Variants in AP1G1 observed in about 807,000 individuals in gnomAD.
AP1G1 encodes adaptor related protein complex 1 subunit gamma 1.
In AP1G1, 7 loss-of-function variants were observed where a neutral mutation model predicts 108.3. The observed-to-expected ratio is 0.06, with a 90% CI of 0.04 to 0.12. The LOEUF is 0.12. AP1G1 is among the 10% of genes least tolerant of loss of function. AP1G1 has a pLI of 1.00. For missense variants in AP1G1, 756 were observed against 1,010.7 expected, an observed-to-expected ratio of 0.75 and a Z score of 3.42; for synonymous variants, 379 against 353.5, an observed-to-expected ratio of 1.07 and a Z score of -0.81.
chr16:71,735,562 T>C (rs1597030088), intron 21 of AP1G1, among the ~76,000 whole-genome samples: 1 of 151,276 alleles, frequency 6.6e-6, no homozygotes, highest in East Asian at 2.0e-4. Flanking sequence ...CTCGGGAGGC[T>C]GAGGCAGGAG....
At chr16:71,793,763 C>A in intron 1 of AP1G1, among the ~76,000 whole-genome samples, 1 of 150,120 alleles carries the variant, frequency 6.7e-6, no homozygotes, top group East Asian at 2.0e-4. Context: ...CGGCTCACTG[C>A]AATCTCTGCC....
intron 2 of AP1G1, among the ~76,000 whole-genome samples, chr16:71,777,009 T>C (rs1447858278): frequency 7.0e-6 from 1 of 142,706 alleles, no homozygotes; most frequent in African/African-American, 2.7e-5. Context: ...CTCGGGAGGC[T>C]GAGGCAGGAG....
In AP1G1 at chr16:71,732,832, G is replaced by A. The variant is rs2045487653; in HGVS notation, c.*226C>T. 2.2e-6 allele frequency: 1 copy of A among 464,286 alleles called. No individual in the cohort carries two copies. The highest frequency in any genetic ancestry group is 3.8e-6 in the Non-Finnish European group (1 of 260,564). 28.8% of individuals were successfully genotyped at this position (464,286 alleles called of 1,614,324 possible). A position where few individuals can be genotyped will look rare whatever the true frequency, so the allele number is the denominator to read the frequency against. ...GTGCGGAAAAAGGAGAAGAGGAAGA[G>A]TGCAAAGTAGCCTCCAGAAGCAGCC... On this transcript the variant is annotated 3_prime_UTR_variant, in exon 23 of 23. Transcript: ENST00000299980.
At chr16:71,775,717 C>A (rs1042831056) in intron 2 of AP1G1, among the ~76,000 whole-genome samples, 2 of 152,060 alleles carry the variant, frequency 1.3e-5, no homozygotes, top group Non-Finnish European at 1.5e-5. Flanking sequence ...GTATGTGAAC[C>A]AAGTACATTC....
At chr16:71,789,220 A>T in intron 2 of AP1G1, 59 bp downstream of exon 2, 3 of 1,484,576 alleles carry the variant, frequency 2.0e-6, no homozygotes, top group Non-Finnish European at 2.8e-6. Flanking sequence ...AAGATGGACA[A>T]TCCCTGAGCA....
intron 2 of AP1G1, among the ~76,000 whole-genome samples, chr16:71,784,295 T>A (rs2032124564): frequency 6.6e-6 from 1 of 152,192 alleles, no homozygotes; most frequent in Non-Finnish European, 1.5e-5. Context: ...AGGTTAAAGA[T>A]CTTGCTCAAA....
At chr16:71,756,361 T>G (rs2030784576) in intron 11 of AP1G1, 2 of 454,750 alleles carry the variant, frequency 4.4e-6, no homozygotes, top group Admixed American at 8.3e-5. Context: ...ATTTTGAATC[T>G]TCATGCAATA....
intron 17 of AP1G1, among the ~76,000 whole-genome samples, chr16:71,746,381 G>A (rs1034332529): frequency 7.9e-5 from 12 of 152,192 alleles, no homozygotes; most frequent in African/African-American, 2.9e-4. Flanking sequence ...AAGTGTTGGA[G>A]GTGGAATGAA....
chr16:71,745,845 GCATATATTT>G (rs11277696), intron 17 of AP1G1, among the ~76,000 whole-genome samples: 75,441 of 151,494 alleles, frequency 0.5, 19,085 homozygotes, highest in Middle Eastern at 0.64. Flanking sequence ...AAATCCCAAA[GCATATATTT>G]CAGTGGTAGA....
intron 2 of AP1G1, among the ~76,000 whole-genome samples, chr16:71,788,120 A>C (rs536711640): frequency 1.3e-5 from 2 of 152,282 alleles, no homozygotes; most frequent in South Asian, 4.1e-4. Flanking sequence ...TCAGTCTGAT[A>C]AGATTAAATC....
chr16:71,763,398 A>G (rs959879493), intron 9 of AP1G1, among the ~76,000 whole-genome samples: 1 of 152,222 alleles, frequency 6.6e-6, no homozygotes, highest in Non-Finnish European at 1.5e-5. Flanking sequence ...ATGGATACAG[A>G]CTTTAAGAAC....
intron 1 of AP1G1, among the ~76,000 whole-genome samples, chr16:71,794,323 A>G (rs926737847): frequency 1.3e-5 from 2 of 152,210 alleles, no homozygotes; most frequent in Admixed American, 1.3e-4. Context: ...TAAGTGTTCC[A>G]TATTTTATAT....
intron 6 of AP1G1, among the ~76,000 whole-genome samples, chr16:71,768,358 G>T (rs7404381): frequency 1.3e-5 from 2 of 151,054 alleles, no homozygotes; most frequent in South Asian, 4.2e-4. Context: ...AAAATTAGCC[G>T]GGCATGGTGG....
Position 71,765,602 on chromosome 16 carries a change from G to A in AP1G1, c.643-18C>T, listed in dbSNP as rs1388452023. ...GGCACAAGCTGCAGAGAAGAAAGAT[G>A]CATCAAAAAACAGTGAATATTGAAG... On this transcript the variant is annotated intron_variant, in intron 6 of 22. Transcript: ENST00000299980. 1.9e-6 allele frequency: 3 copies of A among 1,580,040 alleles called. No homozygotes were observed. Among genetic ancestry groups the A allele is most frequent in the Non-Finnish European group, 1.7e-6 (2 of 1,149,450 alleles).
rs149309712 is a variant in AP1G1, at chr16:71,769,455, C to T, written c.642+168G>A. The T allele has an allele frequency of 4.6e-6, 3 of 646,692 alleles. No individual in the cohort carries two copies. The African/African-American group carries it at 5.5e-5, about 12-fold the overall frequency. 40.1% of individuals were successfully genotyped at this position (646,692 alleles called of 1,614,324 possible). On this transcript the variant is annotated intron_variant, in intron 6 of 22. Transcript: ENST00000299980. Reference sequence around the variant, plus strand: ...AACACAATACTAGTGCCAGTTCTCACTTATATGCCTAAATCTGGCTTCCAG... The same window carrying T: ...AACACAATACTAGTGCCAGTTCTCATTTATATGCCTAAATCTGGCTTCCAG...
At chr16:71,747,076 A>G (rs2030219445) in intron 16 of AP1G1, 1 of 153,738 alleles carries the variant, frequency 6.5e-6, no homozygotes, top group Admixed American at 6.5e-5. Flanking sequence ...TTTTTAATCT[A>G]TAAAAGGGTC....
At chr16:71,782,817 T>C (rs1285422696) in intron 2 of AP1G1, among the ~76,000 whole-genome samples, 1 of 152,126 alleles carries the variant, frequency 6.6e-6, no homozygotes, top group African/African-American at 2.4e-5. Context: ...TCAAATTATC[T>C]CTTTTGGGGG....
chr16:71,750,967 T>C (rs1482798978), intron 13 of AP1G1, among the ~76,000 whole-genome samples: 2 of 151,312 alleles, frequency 1.3e-5, no homozygotes, highest in Non-Finnish European at 3.0e-5. Flanking sequence ...CCATCCTGGC[T>C]AACACGATGA....
chr16:71,791,259 A>G (rs906339112), intron 1 of AP1G1, among the ~76,000 whole-genome samples: 1 of 151,862 alleles, frequency 6.6e-6, no homozygotes, highest in South Asian at 2.1e-4. Context: ...AAAACAAAAA[A>G]TCCTCACAGA....
Sources: allele counts gnomAD v4.1 joint callset (sites outside exome capture counted in the v4.1 genomes callset), GRCh38; gene constraint gnomAD v4.1.1; transcripts MANE v1.5; gene names NCBI Gene and HGNC (gene_info 2026-07-23, HGNC 2026-07-21).